The following CRPPA variants were observed in gnomAD, a reference collection of about 807,000 sequenced individuals.
CRPPA encodes the protein CDP-L-ribitol pyrophosphorylase A.
A neutral mutation model predicts 52.0 loss-of-function variants in CRPPA; 43 were observed. The observed-to-expected ratio is 0.83, with a 90% CI of 0.65 to 1.07. The LOEUF (loss-of-function observed/expected upper bound fraction) is 1.07, where lower values mean the gene tolerates loss of function less well. Ranked by LOEUF, CRPPA falls within the 50% of genes least tolerant of loss-of-function variation. CRPPA has a pLI of 0.00. For synonymous variants in CRPPA, 250 were observed against 203.5 expected, an observed-to-expected ratio of 1.23 and a Z score of -1.94; for missense variants, 629 against 551.7, an observed-to-expected ratio of 1.14 and a Z score of -1.40.
intron 3 of CRPPA, among the ~76,000 whole-genome samples, chr7:16,341,487 A>G (rs1232736973): frequency 6.6e-6 from 1 of 152,200 alleles, no homozygotes; most frequent in African/African-American, 2.4e-5. Flanking sequence ...TTTGCCTTTC[A>G]TATTTAATTG....
chr7:16,389,286 G>T (rs937514427), intron 2 of CRPPA, among the ~76,000 whole-genome samples: 2 of 152,158 alleles, frequency 1.3e-5, no homozygotes, highest in African/African-American at 4.8e-5. Flanking sequence ...AACAAAGACT[G>T]CACAAGAAAA....
At chr7:16,294,051 G>A (rs549381864) in intron 5 of CRPPA, among the ~76,000 whole-genome samples, 2 of 151,896 alleles carry the variant, frequency 1.3e-5, no homozygotes, top group South Asian at 2.1e-4. Flanking sequence ...AAAGCCTGGT[G>A]TTCTCTACTC....
chr7:16,254,768 ACAC>A (rs869204855), intron 8 of CRPPA, among the ~76,000 whole-genome samples: 7 of 143,422 alleles, frequency 4.9e-5, no homozygotes, highest in East Asian at 4.1e-4. Flanking sequence ...AAAGACAGAC[ACAC>A]AGAAAGAAAG....
intron 5 of CRPPA, among the ~76,000 whole-genome samples, chr7:16,283,117 T>C (rs545252397): frequency 6.6e-6 from 1 of 152,062 alleles, no homozygotes; most frequent in African/African-American, 2.4e-5. Context: ...GCTTAGCTAT[T>C]GCACTGATTT....
chr7:16,352,441 G>C (rs1004232765), intron 3 of CRPPA, among the ~76,000 whole-genome samples: 1 of 151,792 alleles, frequency 6.6e-6, no homozygotes, highest in Non-Finnish European at 1.5e-5. Context: ...AAATAAATGT[G>C]CAAAGGACCT....
intron 6 of CRPPA, among the ~76,000 whole-genome samples, chr7:16,275,081 A>T (rs897446011): frequency 2.6e-5 from 4 of 152,154 alleles, no homozygotes; most frequent in Non-Finnish European, 5.9e-5. Context: ...GTCTAAAAAA[A>T]AATAATATTA....
intron 9 of CRPPA, among the ~76,000 whole-genome samples, chr7:16,211,628 C>A (rs1782143928): frequency 6.6e-6 from 1 of 152,066 alleles, no homozygotes; most frequent in Non-Finnish European, 1.5e-5. Flanking sequence ...ATTTGTTCTC[C>A]AAAGGATCAT....
chr7:16,274,845 C>G (rs1366534603), intron 6 of CRPPA, among the ~76,000 whole-genome samples: 2 of 152,022 alleles, frequency 1.3e-5, no homozygotes, highest in Non-Finnish European at 2.9e-5. Context: ...GAGAAAGATT[C>G]TGGAAACCTA....
intron 9 of CRPPA, among the ~76,000 whole-genome samples, chr7:16,172,089 A>C (rs1781199128): frequency 6.6e-6 from 1 of 152,220 alleles, no homozygotes; most frequent in African/African-American, 2.4e-5. Flanking sequence ...CAAACAAGCA[A>C]TGTGACTGCT....
chr7:16,299,980 C>A (rs945479131), intron 5 of CRPPA, among the ~76,000 whole-genome samples: 10 of 152,286 alleles, frequency 6.6e-5, no homozygotes, highest in Admixed American at 5.2e-4. Flanking sequence ...AGAAACCAAA[C>A]TGAGTTTTAT....
At chr7:16,267,865 T>C (rs982685680) in intron 6 of CRPPA, among the ~76,000 whole-genome samples, 2 of 152,132 alleles carry the variant, frequency 1.3e-5, no homozygotes, top group African/African-American at 4.8e-5. Flanking sequence ...TTTATAAAAA[T>C]ACAGTGTAAC....
chr7:16,209,106 A>T, intron 9 of CRPPA: 1 of 357,238 alleles, frequency 2.8e-6, no homozygotes, highest in South Asian at 2.5e-5. Context: ...AGACTAAGCC[A>T]ATTATCCAGA....
intron 6 of CRPPA, among the ~76,000 whole-genome samples, chr7:16,271,361 T>C (rs368488432): frequency 2.2e-4 from 34 of 152,294 alleles, no homozygotes; most frequent in African/African-American, 8.2e-4. Context: ...CACCATAATC[T>C]TCTTGTAAAG....
At chr7:16,181,937 T>C (rs980575517) in intron 9 of CRPPA, among the ~76,000 whole-genome samples, 8 of 152,040 alleles carry the variant, frequency 5.3e-5, no homozygotes, top group Non-Finnish European at 7.4e-5. Context: ...AGTTCATATA[T>C]ATACATATAA....
At chr7:16,107,601 A>G (rs369070039) in intron 9 of CRPPA, among the ~76,000 whole-genome samples, 2 of 152,302 alleles carry the variant, frequency 1.3e-5, no homozygotes, top group East Asian at 3.9e-4. Flanking sequence ...TGGCATACTC[A>G]TAGGAACTGG....
intron 1 of CRPPA, among the ~76,000 whole-genome samples, chr7:16,409,679 T>C (rs754769659): frequency 1.3e-5 from 2 of 152,244 alleles, no homozygotes; most frequent in African/African-American, 2.4e-5. Flanking sequence ...TTTTAGCTCT[T>C]GCAATCTTTA....
chr7:16,332,080 C>T (rs1057324965), intron 3 of CRPPA, among the ~76,000 whole-genome samples: 2 of 152,188 alleles, frequency 1.3e-5, no homozygotes, highest in South Asian at 2.1e-4. Context: ...GGGGAATCAA[C>T]ACCTTACCTA....
chr7:16,364,387 T>C (rs1434858059), intron 3 of CRPPA, among the ~76,000 whole-genome samples: 1 of 152,230 alleles, frequency 6.6e-6, no homozygotes, highest in Non-Finnish European at 1.5e-5. Flanking sequence ...TGTAAGTTGG[T>C]ATGTGTATAT....
intron 8 of CRPPA, among the ~76,000 whole-genome samples, chr7:16,226,344 GCTTCCAATGAAAAACTGGAAGGTCA>G (rs1424340406): frequency 6.6e-6 from 1 of 151,862 alleles, no homozygotes; most frequent in East Asian, 1.9e-4. Context: ...CAGTTACAGT[GCTTCCAATGAAAAACTGGAAGGTCA>G]CTTTTGCTTT....
Sources: allele counts gnomAD v4.1 joint callset (sites outside exome capture counted in the v4.1 genomes callset), GRCh38; gene constraint gnomAD v4.1.1; transcripts MANE v1.5; gene names NCBI Gene and HGNC (gene_info 2026-07-23, HGNC 2026-07-21).